Variants in DRICH1 observed in about 807,000 individuals in gnomAD.
DRICH1 encodes aspartate-rich protein 1.
Under a neutral mutation model 39.5 loss-of-function variants are expected in DRICH1, and 38 were observed. The observed-to-expected ratio is 0.96, with a 90% CI of 0.74 to 1.26. The LOEUF (loss-of-function observed/expected upper bound fraction) is 1.26, where lower values mean the gene tolerates loss of function less well. Among genes scored for constraint, DRICH1 ranks in the 50% most tolerant of loss-of-function variants. DRICH1 has a pLI of 0.00. For missense variants in DRICH1, 279 were observed against 270.4 expected (o/e 1.03, Z -0.22); for synonymous variants, 84 against 99.5 (o/e 0.84, Z 0.93).
At chr22:23,607,605 C>T (rs529956588), downstream of DRICH1, among the ~76,000 whole-genome samples, 148 of 152,174 alleles carry the variant, frequency 9.7e-4, no homozygotes, top group South Asian at 8.5e-3. Flanking sequence ...ATTAGAGGCC[C>T]GGGTATTTCT....
chr22:23,620,733 C>T (rs1264113241), intron 4 of DRICH1, 118 bp from the exon 5 acceptor site: 1 of 1,230,912 alleles, frequency 8.1e-7, no homozygotes, highest in Non-Finnish European at 1.2e-6. Context: ...GTTGTTGAGT[C>T]AAGGTCAAAG....
chr22:23,622,293 A>G, intron 3 of DRICH1, 117 bp from the exon 4 acceptor site: 4 of 902,362 alleles, frequency 4.4e-6, no homozygotes, highest in African/African-American at 1.6e-5. Flanking sequence ...GGACTGAGTT[A>G]ATGCTGGGCT....
At chr22:23,615,116 G>A (rs1049067403) in intron 8 of DRICH1, among the ~76,000 whole-genome samples, 2 of 152,190 alleles carry the variant, frequency 1.3e-5, no homozygotes, top group African/African-American at 4.8e-5. Context: ...GCTCAGACCT[G>A]TAATCCCAGC....
chr22:23,629,371 T>C (rs1928259430), intron 1 of DRICH1, among the ~76,000 whole-genome samples: 1 of 152,124 alleles, frequency 6.6e-6, no homozygotes, highest in South Asian at 2.1e-4. Flanking sequence ...TGTGTGTGCA[T>C]CCATTGAGTC....
At chr22:23,605,741 C>T (rs1286166202), downstream of DRICH1, among the ~76,000 whole-genome samples, 1 of 151,834 alleles carries the variant, frequency 6.6e-6, no homozygotes, top group African/African-American at 2.4e-5. Context: ...AGAAATCTCA[C>T]GAATCAAGAT....
At chr22:23,628,213 T>C (rs1005225127) in intron 1 of DRICH1, among the ~76,000 whole-genome samples, 1 of 152,100 alleles carries the variant, frequency 6.6e-6, no homozygotes, top group Non-Finnish European at 1.5e-5. Flanking sequence ...CCTCCCCACC[T>C]CCCCTGCTAC....
chr22:23,600,712 G>A, the DRICH1 span, among the ~76,000 whole-genome samples: 2,714 of 142,398 alleles, frequency 0.019, 74 homozygotes, highest in African/African-American at 0.066. Context: ...TCGCTCTGTC[G>A]CCCAGGCTGG....
chr22:23,588,707 C>T, the DRICH1 span, among the ~76,000 whole-genome samples: 202 of 152,340 alleles, frequency 1.3e-3, no homozygotes, highest in African/African-American at 3.9e-3. Context: ...CCCTCTGCAT[C>T]TGTCTTATGG....
chr22:23,630,261 A>G (rs1404007049), intron 1 of DRICH1, among the ~76,000 whole-genome samples: 1 of 152,178 alleles, frequency 6.6e-6, no homozygotes, highest in Non-Finnish European at 1.5e-5. Context: ...GGGCACGCAT[A>G]GGTGCTGGAA....
At chr22:23,593,706 G>GAAT in the DRICH1 span, among the ~76,000 whole-genome samples, 1 of 151,818 alleles carries the variant, frequency 6.6e-6, no homozygotes, top group African/African-American at 2.4e-5. Flanking sequence ...GGCTGAGGCA[G>GAAT]AACTGCTTGA....
Position 23,608,650 on chromosome 22 carries a change from G to T in DRICH1, c.*114C>A, listed in dbSNP as rs1487328096. 5 of 1,092,806 alleles carry T rather than the reference G, an allele frequency of 4.6e-6. No individual in the cohort carries two copies. The highest frequency in any genetic ancestry group is 2.0e-5 in the Admixed American group (1 of 49,578). The allele number at this position is 1,092,806 out of a possible 1,614,324, so 67.7% of individuals were successfully genotyped here. ...CTTTTTCTCTCTGCTGGGACCAAGAGTTTTCCTCAGAATGTAGAGAGGATT... is the reference window on the plus strand; with the variant it reads ...CTTTTTCTCTCTGCTGGGACCAAGATTTTTCCTCAGAATGTAGAGAGGATT... On this transcript the variant is annotated 3_prime_UTR_variant, in exon 12 of 12. Transcript: ENST00000317749.
intron 3 of DRICH1, among the ~76,000 whole-genome samples, chr22:23,622,983 G>GTA (rs1311888323): frequency 6.6e-6 from 1 of 152,220 alleles, no homozygotes; most frequent in Non-Finnish European, 1.5e-5. Flanking sequence ...ATGAGGAAAT[G>GTA]TATACCAATA....
the DRICH1 span, among the ~76,000 whole-genome samples, chr22:23,592,867 CACACACACACACAA>C: frequency 2.0e-5 from 3 of 150,718 alleles, no homozygotes; most frequent in African/African-American, 4.9e-5. Flanking sequence ...CACACACACA[CACACACACACACAA>C]AATTAGCTGG....
chr22:23,586,442 T>C, the DRICH1 span, among the ~76,000 whole-genome samples: 1 of 152,200 alleles, frequency 6.6e-6, no homozygotes, highest in Admixed American at 6.5e-5. Flanking sequence ...TGAACTGTGA[T>C]CACACCACTG....
At position 23,617,657 on chromosome 22, in the gene DRICH1, C is replaced by A. The variant is rs1303443823; in HGVS notation, c.437G>T (p.Cys146Phe). ...GGCYRFDSSS[C>F]SSEDNLSLVC... ...TAAACTCAGGTTGTCCTCAGAAGAA[C>A]CTGGAAGCACACAGAGGAAAGATCC... Residue 146 changes from cysteine to phenylalanine, a missense_variant and splice_region_variant, in exon 7 of 12, where the codon TGT becomes TTT. Cys to Phe is a radical substitution (Grantham distance 205, BLOSUM62 -2). Transcript: ENST00000317749. The A allele has an allele frequency of 1.9e-6, 3 of 1,613,918 alleles. No homozygotes were observed. Among genetic ancestry groups the A allele is most frequent in the Non-Finnish European group, 2.5e-6 (3 of 1,179,946 alleles).
At chr22:23,619,171 CAAAAAA>C (rs5844565) in intron 6 of DRICH1, among the ~76,000 whole-genome samples, 187 bp downstream of exon 6, 5 of 84,938 alleles carry the variant, frequency 5.9e-5, no homozygotes, top group Non-Finnish European at 9.2e-5. Context: ...GACTCCGTCT[CAAAAAA>C]AAAAAAAAAA....
intron 1 of DRICH1, among the ~76,000 whole-genome samples, chr22:23,630,104 CTT>C (rs1928302007): frequency 6.6e-6 from 1 of 152,214 alleles, no homozygotes; most frequent in Non-Finnish European, 1.5e-5. Flanking sequence ...AGCCTGTGAG[CTT>C]TCTATGTGTA....
At chr22:23,603,450 A>C in the DRICH1 span, among the ~76,000 whole-genome samples, 1 of 151,794 alleles carries the variant, frequency 6.6e-6, no homozygotes, top group African/African-American at 2.4e-5. Context: ...TCTGCTCTAC[A>C]CCAGCCTCTC....
At chr22:23,583,873 C>G in the DRICH1 span, 1 of 152,594 alleles carries the variant, frequency 6.6e-6, no homozygotes, top group Non-Finnish European at 1.5e-5. Flanking sequence ...CCCAGCACCC[C>G]CCTTGAGTGT....
Sources: gnomAD v4.1 joint callset for allele counts (sites outside exome capture counted in the v4.1 genomes callset) on GRCh38, gnomAD v4.1.1 for gene constraint, MANE v1.5 for transcripts, NCBI Gene and HGNC (gene_info 2026-07-23, HGNC 2026-07-21) for gene names.